Variants in MYOF observed in about 807,000 individuals in gnomAD.
The protein encoded by MYOF is fer-1-like 3, myoferlin.
A neutral mutation model predicts 284.2 loss-of-function variants in MYOF; 244 were observed. The observed-to-expected ratio is 0.86, with a 90% CI of 0.77 to 0.95. MYOF has a LOEUF of 0.95. Among genes scored for constraint, MYOF ranks in the 40% least tolerant of loss-of-function variants. The probability of loss-of-function intolerance (pLI) is 0.00; values close to 1 mark genes in which losing one functional copy is unlikely to be tolerated. For synonymous variants in MYOF, 904 were observed against 919.7 expected, an observed-to-expected ratio of 0.98 and a Z score of 0.31; for missense variants, 2,496 against 2,560.6, an observed-to-expected ratio of 0.97 and a Z score of 0.54.
At chr10:93,429,971 G>A (rs1200224835) in intron 4 of MYOF, among the ~76,000 whole-genome samples, 1 of 147,040 alleles carries the variant, frequency 6.8e-6, no homozygotes, top group African/African-American at 2.5e-5. Context: ...GTCTTGCTCT[G>A]TTGCCCAGGC....
In MYOF at chr10:93,316,715, C is replaced by G. The variant is rs186936190; in HGVS notation, c.5697G>C (p.Leu1899Phe). The G allele has an allele frequency of 1.4e-4, 221 of 1,609,836 alleles. No individual in the cohort carries two copies. Among genetic ancestry groups the G allele is most frequent in the Middle Eastern group, 1.2e-3 (7 of 6,076 alleles). The part of the protein sequence containing the change: ...DNDKFSLDDY[L>F]GFLELDLRHT... The stretch of plus-strand genomic sequence containing the variant: ...CAATGATCCAAATGTAAGCCCTACC[C>G]AAGTAGTCATCCAGAGAAAACTTGT... Residue 1899 changes from leucine (L) to phenylalanine (F), a missense_variant and splice_region_variant, in exon 50 of 54, where the codon TTG becomes TTC. Physicochemically the swap from Leu to Phe is conservative, Grantham distance 22. Coordinates refer to ENST00000359263, the MANE Select transcript of MYOF (RefSeq NM_013451.4).
rs1421070797 is a variant in MYOF, at chr10:93,369,690, C to G, written c.2544G>C (p.Lys848Asn). The change falls in exon 25 of 54, where the codon AAG (lysine) becomes AAC (asparagine). Residue 848 changes from lysine (K) to asparagine (N), a missense_variant. Physicochemically the swap from Lys to Asn is moderately conservative, Grantham distance 94 (BLOSUM62 0). This residue lies in a region of MYOF where 2,436 missense variants were observed against 2,480.7 expected (regional missense o/e 0.98). Transcript: ENST00000359263. ...AAGTTCCTTCTGCGAAGCTGTTAAA[C>G]TTCTTCTCCACAGCACTTAAGCCTA... ...IWLGLSAVEK[K>N]FNSFAEGTFT... is the part of the protein sequence containing the mutation. 1 of 1,614,068 alleles carries G rather than the reference C, an allele frequency of 6.2e-7. No homozygotes were observed. Among genetic ancestry groups the G allele is most frequent in the Non-Finnish European group, 8.5e-7 (1 of 1,180,020 alleles).
chr10:93,322,626 T>C (rs1842890834), intron 48 of MYOF, among the ~76,000 whole-genome samples: 1 of 152,236 alleles, frequency 6.6e-6, no homozygotes, highest in Non-Finnish European at 1.5e-5. Flanking sequence ...ATTACTTCCT[T>C]TGAAATCTGC....
intron 2 of MYOF, among the ~76,000 whole-genome samples, chr10:93,455,569 G>A (rs2056725865): frequency 6.6e-6 from 1 of 152,144 alleles, no homozygotes; most frequent in African/African-American, 2.4e-5. Flanking sequence ...GGAGGCTGAG[G>A]TGGGAGGACC....
Position 93,306,920 on chromosome 10 carries a change from C to T in MYOF, c.*43G>A. 1 of 1,595,004 alleles carries T rather than the reference C, an allele frequency of 6.3e-7. No homozygotes were observed. ...GATGTTGGTCTACAGAGGCAGGATT[C>T]TCTCATTGCTGGATGACTCTTGAAA... is the stretch of plus-strand genomic sequence containing the variant. On this transcript the variant is annotated 3_prime_UTR_variant, in exon 54 of 54. Transcript: ENST00000359263.
At chr10:93,364,660 G>A (rs924740284) in intron 26 of MYOF, among the ~76,000 whole-genome samples, 14 of 152,134 alleles carry the variant, frequency 9.2e-5, no homozygotes, top group African/African-American at 2.7e-4. Flanking sequence ...AATCCATACT[G>A]ACTCTCTGCC....
chr10:93,430,494 A>G (rs1848793476), intron 4 of MYOF, among the ~76,000 whole-genome samples: 1 of 151,488 alleles, frequency 6.6e-6, no homozygotes, highest in Admixed American at 6.6e-5. Flanking sequence ...AGGTAGAAGA[A>G]TCACTTGAAC....
Position 93,366,502 on chromosome 10 carries a change from T to C in MYOF, c.2643A>G (p.Gly881=), listed in dbSNP as rs775413078. The change falls in exon 26 of 54, where the codon GGA becomes GGG. Residue 881 remains glycine, a synonymous_variant. Coordinates refer to ENST00000359263, the MANE Select transcript of MYOF (RefSeq NM_013451.4). ...FGKWGTSGLV[G]RHKFSDVTGK... ...CTGTGACATCAGAAAACTTATGACG[T>C]CCTACTAATCCAGAAGTACCCCATT... 2 of 1,613,688 alleles carry C rather than the reference T, an allele frequency of 1.2e-6. No homozygotes were observed. The highest frequency in any genetic ancestry group is 3.3e-5 in the Admixed American group (2 of 59,902).
At chr10:93,459,133 T>C (rs1354859996) in intron 1 of MYOF, among the ~76,000 whole-genome samples, 1 of 152,218 alleles carries the variant, frequency 6.6e-6, no homozygotes, top group Non-Finnish European at 1.5e-5. Flanking sequence ...CTATGTGGCC[T>C]ACAGAGCCCC....
intron 37 of MYOF, among the ~76,000 whole-genome samples, chr10:93,344,369 T>TA: frequency 6.6e-6 from 1 of 152,066 alleles, no homozygotes; most frequent in Admixed American, 6.5e-5. Context: ...GTCACCTGAG[T>TA]AGTGTACATT....
rs1491566364 is a variant in MYOF, at chr10:93,311,588, CTA to C, written c.5890-947_5890-946del. Among the ~76,000 whole-genome samples the C allele has an allele frequency of 1.1e-3, 163 of 147,816 alleles. 2 individuals carry two copies. The highest frequency in any genetic ancestry group is 2.4e-3 in the East Asian group (12 of 5,068). On this transcript the variant is annotated intron_variant, in intron 51 of 53. Coordinates refer to ENST00000359263, the MANE Select transcript of MYOF (RefSeq NM_013451.4). ...TGGGTGACAGAGTGAGACTTCATCT[CTA>C]AAAAAAAAAAAAAAAGCAACAAACC...
intron 43 of MYOF, among the ~76,000 whole-genome samples, chr10:93,330,207 T>A (rs1012794098): frequency 6.6e-5 from 10 of 152,164 alleles, no homozygotes; most frequent in African/African-American, 2.4e-4. Flanking sequence ...TGAAGAAATA[T>A]TTAGAGAGCA....
rs908037678 is a variant in MYOF, at chr10:93,306,932, G to A, written c.*31C>T. On this transcript the variant is annotated 3_prime_UTR_variant, in exon 54 of 54. Transcript: ENST00000359263. ...CAGAGGCAGGATTCTCTCATTGCTG[G>A]ATGACTCTTGAAATGAAGCCTTTGC... The A allele has an allele frequency of 6.2e-7, 1 of 1,605,090 alleles. No individual in the cohort carries two copies. Among genetic ancestry groups the A allele is most frequent in the African/African-American group, 1.3e-5 (1 of 74,626 alleles).
At position 93,363,997 on chromosome 10, in the gene MYOF, G is replaced by GC. The variant is rs1845204980; in HGVS notation, c.2831dup (p.Asp945ArgfsTer16). On this transcript the variant is annotated frameshift_variant, in exon 27 of 54. Coordinates refer to ENST00000359263, the MANE Select transcript of MYOF (RefSeq NM_013451.4). LOFTEE classifies it high-confidence loss of function. Reference sequence around the variant, plus strand: ...AGGTGTCCTCGGCCGGCTTCCAGTCGCCCCCGGGGTAGCGGCTCTCGTTCT... The same window carrying GC: ...AGGTGTCCTCGGCCGGCTTCCAGTCGCCCCCCGGGGTAGCGGCTCTCGTTCT... The GC allele has an allele frequency of 6.2e-7, 1 of 1,614,072 alleles. No individual in the cohort carries two copies. Among genetic ancestry groups the GC allele is most frequent in the Non-Finnish European group, 8.5e-7 (1 of 1,180,018 alleles).
chr10:93,479,431 C>T (rs78319949), intron 1 of MYOF, among the ~76,000 whole-genome samples: 1 of 151,824 alleles, frequency 6.6e-6, no homozygotes, highest in Non-Finnish European at 1.5e-5. Context: ...CTTAATTTTA[C>T]GCAGTGCTCA....
At chr10:93,312,937 G>A in intron 51 of MYOF, 83 bp downstream of exon 51, 1 of 1,342,774 alleles carries the variant, frequency 7.4e-7, no homozygotes, top group Non-Finnish European at 1.0e-6. Flanking sequence ...CATTTTATCT[G>A]GAGTAAGTCT....
At chr10:93,355,247 A>G (rs1338300130) in intron 31 of MYOF, among the ~76,000 whole-genome samples, 1 of 152,236 alleles carries the variant, frequency 6.6e-6, no homozygotes, top group East Asian at 1.9e-4. Flanking sequence ...AGTGATTTGA[A>G]GAGTTTCCTT....
In MYOF at chr10:93,396,243, T is replaced by TA. The variant is rs1246656850; in HGVS notation, c.1335-20dup. ...ACGGTCCCTGTGTAAAAAATAAAAA[T>TA]AAAAAAATAAAAAATAAAAGGTTCA... On this transcript the variant is annotated intron_variant, in intron 15 of 53. Transcript: ENST00000359263. The TA allele has an allele frequency of 4.0e-6, 6 of 1,512,252 alleles. No individual in the cohort carries two copies. Among genetic ancestry groups the TA allele is most frequent in the African/African-American group, 2.9e-5 (2 of 69,550 alleles). 93.7% of individuals were successfully genotyped at this position (1,512,252 alleles called of 1,614,324 possible). A position where few individuals can be genotyped will look rare whatever the true frequency, so the allele number is the denominator to read the frequency against.
Position 93,391,697 on chromosome 10 carries a change from C to T in MYOF, c.1456+1220G>A, listed in dbSNP as rs144218845. Among the ~76,000 whole-genome samples, 696 of 152,268 alleles carry T rather than the reference C, an allele frequency of 4.6e-3. 1 individual carries two copies. The highest frequency in any genetic ancestry group is 7.6e-3 in the Non-Finnish European group (519 of 68,014). On this transcript the variant is annotated intron_variant, in intron 17 of 53. Transcript: ENST00000359263. ...CCTAGTCCGTTTAATGCACAGTGGACACATCAAACTTCCCAATGTCCTTGC... is the reference window on the plus strand; with the variant it reads ...CCTAGTCCGTTTAATGCACAGTGGATACATCAAACTTCCCAATGTCCTTGC...
Sources: gnomAD v4.1 joint callset for allele counts (sites outside exome capture counted in the v4.1 genomes callset) on GRCh38, gnomAD v4.1.1 for gene constraint, gnomAD v4.1.1 regional missense constraint, MANE v1.5 for transcripts, NCBI Gene and HGNC (gene_info 2026-07-23, HGNC 2026-07-21) for gene names.